The following AGMO variants were observed in gnomAD, a reference collection of about 807,000 sequenced individuals.
AGMO encodes the protein glyceryl-ether monooxygenase.
AGMO carries 75 observed loss-of-function variants against 60.2 expected under a neutral mutation model. That is an observed-to-expected ratio of 1.25 (90% CI 1.03 to 1.51). The LOEUF (loss-of-function observed/expected upper bound fraction) is 1.51. Ranked by LOEUF, AGMO falls within the 40% of genes most tolerant of loss-of-function variation. AGMO has a pLI of 0.00. For missense variants in AGMO, 763 were observed against 525.5 expected (o/e 1.45, Z -4.42); for synonymous variants, 261 against 177.1 (o/e 1.47, Z -3.76).
chr7:15,371,448 T>C (rs1783210364), intron 10 of AGMO, among the ~76,000 whole-genome samples: 1 of 151,886 alleles, frequency 6.6e-6, no homozygotes, highest in Non-Finnish European at 1.5e-5. Context: ...TGGAGTGCAA[T>C]GGCGCCATCT....
chr7:15,251,429 G>C (rs1032215207), intron 12 of AGMO, among the ~76,000 whole-genome samples: 2 of 152,198 alleles, frequency 1.3e-5, no homozygotes, highest in Admixed American at 1.3e-4. Flanking sequence ...CCAAAGAGGG[G>C]AGAGTAAGTC....
At chr7:15,374,871 A>G (rs1387230544) in intron 10 of AGMO, among the ~76,000 whole-genome samples, 1 of 152,040 alleles carries the variant, frequency 6.6e-6, no homozygotes, top group Non-Finnish European at 1.5e-5. Context: ...AGAGAACCCT[A>G]AAAATTTGCA....
chr7:15,303,916 G>A (rs980546029), intron 12 of AGMO, among the ~76,000 whole-genome samples: 42 of 151,926 alleles, frequency 2.8e-4, no homozygotes, highest in African/African-American at 5.3e-4. Context: ...AACTTTTATC[G>A]TTAAAATCAT....
chr7:15,131,038 T>G, the AGMO span, among the ~76,000 whole-genome samples: 3 of 151,812 alleles, frequency 2.0e-5, no homozygotes, highest in East Asian at 5.8e-4. Flanking sequence ...CTGTTTCAAA[T>G]TTTTGCTTGT....
intron 5 of AGMO, among the ~76,000 whole-genome samples, chr7:15,408,756 C>T (rs1784766721): frequency 1.3e-5 from 2 of 151,862 alleles, no homozygotes; most frequent in African/African-American, 4.8e-5. Context: ...AATTACATAA[C>T]CTCTGTATAG....
intron 12 of AGMO, among the ~76,000 whole-genome samples, chr7:15,287,149 A>C (rs887630328): frequency 6.6e-6 from 1 of 152,142 alleles, no homozygotes; most frequent in African/African-American, 2.4e-5. Flanking sequence ...TGATGAATGC[A>C]ATAAAATCTT....
At chr7:15,352,444 TA>T (rs1782278182) in intron 12 of AGMO, among the ~76,000 whole-genome samples, 6 of 149,388 alleles carry the variant, frequency 4.0e-5, no homozygotes, top group African/African-American at 1.5e-4. Context: ...ATTCCAGAAG[TA>T]TGTTTTTTTT....
intron 10 of AGMO, among the ~76,000 whole-genome samples, chr7:15,377,319 G>A (rs565653433): frequency 6.6e-6 from 1 of 152,056 alleles, no homozygotes; most frequent in African/African-American, 2.4e-5. Context: ...TCTACTTTCA[G>A]TTTGTAAAGG....
chr7:15,311,924 T>A (rs988717149), intron 12 of AGMO, among the ~76,000 whole-genome samples: 1 of 152,222 alleles, frequency 6.6e-6, no homozygotes, highest in African/African-American at 2.4e-5. Context: ...AAAATTACAA[T>A]AACCAAAAAC....
At chr7:15,509,154 T>C (rs1783606179) in intron 3 of AGMO, among the ~76,000 whole-genome samples, 1 of 152,114 alleles carries the variant, frequency 6.6e-6, no homozygotes, top group African/African-American at 2.4e-5. Context: ...AGTAATATAA[T>C]TAAGAGCAAA....
chr7:15,526,485 A>G (rs116259540), intron 3 of AGMO, among the ~76,000 whole-genome samples: 1,573 of 152,170 alleles, frequency 0.01, 13 homozygotes, highest in African/African-American at 0.035. Flanking sequence ...GGCCAAACCA[A>G]TGTATACTTT....
the AGMO span, among the ~76,000 whole-genome samples, chr7:15,145,014 G>A: frequency 6.6e-6 from 1 of 152,144 alleles, no homozygotes; most frequent in Non-Finnish European, 1.5e-5. Context: ...ATTTTTAGTA[G>A]GGACGGGGTT....
downstream of AGMO, among the ~76,000 whole-genome samples, chr7:15,196,786 A>G (rs555030355): frequency 5.4e-4 from 83 of 152,340 alleles, no homozygotes; most frequent in African/African-American, 1.8e-3. Context: ...AAATGAAGAA[A>G]GAACATGCCC....
At chr7:15,522,500 G>T (rs1332298395) in intron 3 of AGMO, among the ~76,000 whole-genome samples, 1 of 151,918 alleles carries the variant, frequency 6.6e-6, no homozygotes, top group Non-Finnish European at 1.5e-5. Context: ...ACCAAAACAG[G>T]TATATAGAAC....
At chr7:15,459,791 C>A (rs140486580) in intron 3 of AGMO, among the ~76,000 whole-genome samples, 89 of 151,988 alleles carry the variant, frequency 5.9e-4, no homozygotes, top group African/African-American at 2.1e-3. Context: ...AATGAGATAC[C>A]TATATTTCAA....
chr7:15,447,277 T>C (rs902963910), intron 3 of AGMO, among the ~76,000 whole-genome samples: 4 of 152,206 alleles, frequency 2.6e-5, no homozygotes, highest in African/African-American at 9.6e-5. Context: ...ATCAATTGTG[T>C]TAATAATAGC....
intron 3 of AGMO, among the ~76,000 whole-genome samples, chr7:15,515,336 A>G (rs189974207): frequency 6.6e-6 from 1 of 152,250 alleles, no homozygotes; most frequent in Admixed American, 6.5e-5. Context: ...TACTTTGGAC[A>G]TTATTTTTCT....
chr7:15,372,722 T>C (rs759291825), intron 10 of AGMO, among the ~76,000 whole-genome samples: 7 of 152,204 alleles, frequency 4.6e-5, no homozygotes, highest in Non-Finnish European at 7.3e-5. Context: ...ACGTAGCTTA[T>C]TAGTTTTTTA....
chr7:15,285,243 G>GAA (rs1477572571), intron 12 of AGMO, among the ~76,000 whole-genome samples: 1 of 150,246 alleles, frequency 6.7e-6, no homozygotes, highest in Non-Finnish European at 1.5e-5. Context: ...TCAGACAGGA[G>GAA]AAAGAAATAA....
Sources: allele counts gnomAD v4.1 joint callset (sites outside exome capture counted in the v4.1 genomes callset), GRCh38; gene constraint gnomAD v4.1.1; transcripts MANE v1.5; gene names NCBI Gene and HGNC (gene_info 2026-07-23, HGNC 2026-07-21).